Variants in RBFOX1 observed in about 807,000 individuals in gnomAD.
RBFOX1 encodes RNA binding fox-1 homolog 1.
In RBFOX1, 8 loss-of-function variants were observed where a neutral mutation model predicts 57.7. That is an observed-to-expected ratio of 0.14 (90% CI 0.08 to 0.25). The LOEUF is 0.25. Ranked by LOEUF, RBFOX1 falls within the 10% of genes least tolerant of loss-of-function variation. The pLI is 1.00. For missense variants in RBFOX1, 611 were observed against 548.5 expected, an observed-to-expected ratio of 1.11 and a Z score of -1.14; for synonymous variants, 326 against 222.4, an observed-to-expected ratio of 1.47 and a Z score of -4.15.
intron 1 of RBFOX1, among the ~76,000 whole-genome samples, chr16:6,109,649 T>G (rs2096421355): frequency 6.6e-6 from 1 of 152,192 alleles, no homozygotes; most frequent in African/African-American, 2.4e-5. Flanking sequence ...GATATTAGAA[T>G]TTTTATGCTT....
chr16:7,078,140 C>T (rs1353166228), intron 4 of RBFOX1, among the ~76,000 whole-genome samples: 1 of 152,176 alleles, frequency 6.6e-6, no homozygotes, highest in Non-Finnish European at 1.5e-5. Context: ...TTCATTCTTT[C>T]TCATCTTTAG....
At chr16:5,457,331 C>T (rs1443487316) in intron 1 of RBFOX1, among the ~76,000 whole-genome samples, 2 of 152,184 alleles carry the variant, frequency 1.3e-5, no homozygotes, top group Non-Finnish European at 2.9e-5. Context: ...GATGGGGTTT[C>T]ACCATGTTGG....
chr16:6,553,114 A>G (rs1021886660), intron 2 of RBFOX1, among the ~76,000 whole-genome samples: 2 of 152,170 alleles, frequency 1.3e-5, no homozygotes, highest in African/African-American at 4.8e-5. Context: ...TCCCTAGGTA[A>G]CAGGATGTGC....
At chr16:7,156,888 C>T (rs948984545) in intron 4 of RBFOX1, among the ~76,000 whole-genome samples, 6 of 152,110 alleles carry the variant, frequency 3.9e-5, no homozygotes, top group South Asian at 2.1e-4. Context: ...AATATTTGCC[C>T]TCCAAGAAAG....
intron 3 of RBFOX1, among the ~76,000 whole-genome samples, chr16:5,612,252 C>G (rs759305783): frequency 6.7e-6 from 1 of 148,224 alleles, no homozygotes; most frequent in Non-Finnish European, 1.5e-5. Flanking sequence ...CATCAGTTCT[C>G]CCATCCATCC....
At chr16:6,259,312 C>T (rs74005052) in intron 1 of RBFOX1, among the ~76,000 whole-genome samples, 3,155 of 152,054 alleles carry the variant, frequency 0.021, 86 homozygotes, top group African/African-American at 0.063. Context: ...TTTCAGTCTC[C>T]CTCCTCTCCT....
chr16:7,100,497 T>C (rs138907144), intron 4 of RBFOX1, among the ~76,000 whole-genome samples: 49 of 151,756 alleles, frequency 3.2e-4, no homozygotes, highest in Non-Finnish European at 5.7e-4. Flanking sequence ...CATATTTTCA[T>C]ACAAATTATC....
chr16:6,030,330 C>T (rs556938692), intron 1 of RBFOX1, among the ~76,000 whole-genome samples: 5 of 152,280 alleles, frequency 3.3e-5, no homozygotes, highest in African/African-American at 1.2e-4. Flanking sequence ...ATGTACCAGA[C>T]ACTTCTAAGT....
intron 3 of RBFOX1, among the ~76,000 whole-genome samples, chr16:6,988,424 G>A (rs976484164): frequency 5.9e-5 from 9 of 152,276 alleles, no homozygotes; most frequent in Admixed American, 4.6e-4. Flanking sequence ...CTTAGTATAT[G>A]AAAGTGTTTT....
At chr16:5,311,132 G>A (rs546647810) in intron 1 of RBFOX1, among the ~76,000 whole-genome samples, 1 of 152,152 alleles carries the variant, frequency 6.6e-6, no homozygotes, top group Admixed American at 6.5e-5. Context: ...TAGAATAATG[G>A]CCTCTAGCTC....
At chr16:6,565,881 A>G (rs906474773) in intron 2 of RBFOX1, among the ~76,000 whole-genome samples, 3 of 152,222 alleles carry the variant, frequency 2.0e-5, no homozygotes, top group Non-Finnish European at 4.4e-5. Flanking sequence ...GTAGTAACAC[A>G]TAACCCCCAA....
At chr16:7,326,366 C>G (rs2096611799) in intron 4 of RBFOX1, among the ~76,000 whole-genome samples, 1 of 152,108 alleles carries the variant, frequency 6.6e-6, no homozygotes, top group Admixed American at 6.6e-5. Context: ...TGGCATATGA[C>G]TGCTTGTGGA....
chr16:5,317,696 G>A (rs925089481), intron 1 of RBFOX1, among the ~76,000 whole-genome samples: 1 of 152,176 alleles, frequency 6.6e-6, no homozygotes, highest in African/African-American at 2.4e-5. Context: ...AATTACTCAA[G>A]AAATGTTTGT....
At chr16:6,693,202 C>A (rs1019076253) in intron 3 of RBFOX1, among the ~76,000 whole-genome samples, 33 of 151,782 alleles carry the variant, frequency 2.2e-4, no homozygotes, top group African/African-American at 6.8e-4. Context: ...GCTACCATCA[C>A]CACCATCATC....
intron 4 of RBFOX1, among the ~76,000 whole-genome samples, chr16:7,438,186 G>C (rs1449924767): frequency 6.6e-6 from 1 of 152,186 alleles, no homozygotes; most frequent in Non-Finnish European, 1.5e-5. Flanking sequence ...AATGGTTAAT[G>C]TTAATTTACT....
intron 4 of RBFOX1, among the ~76,000 whole-genome samples, chr16:7,210,028 C>T (rs1029929635): frequency 1.8e-4 from 28 of 152,120 alleles, no homozygotes; most frequent in Admixed American, 1.8e-3. Context: ...CAGTGAAAAC[C>T]AGGGATAGCG....
rs560311833 is a variant in RBFOX1, at chr16:5,816,425, T to C, written c.319-50878T>C. Among the ~76,000 whole-genome samples the C allele has an allele frequency of 6.8e-4, 103 of 152,282 alleles. 1 individual carries two copies. The highest frequency in any genetic ancestry group is 2.2e-3 in the African/African-American group (93 of 41,572). On this transcript the variant is annotated intron_variant, in intron 3 of 19. Coordinates refer to the RBFOX1 transcript ENST00000641259. ...CTCCTTGACCAAGGATGACACTGAC[T>C]GCCAAAACCATGCCAGCTGAACCCC... is the stretch of plus-strand genomic sequence containing the variant.
At chr16:5,733,819 G>A (rs77871583) in intron 3 of RBFOX1, among the ~76,000 whole-genome samples, 11 of 149,530 alleles carry the variant, frequency 7.4e-5, no homozygotes, top group Admixed American at 1.3e-4. Context: ...CTTCCCATCC[G>A]CGTCCATGCT....
intron 2 of RBFOX1, among the ~76,000 whole-genome samples, chr16:6,472,851 C>T (rs1280454016): frequency 6.6e-6 from 1 of 151,932 alleles, no homozygotes; most frequent in Non-Finnish European, 1.5e-5. Context: ...TCTCGAACTC[C>T]CAACCTTATT....
Sources: allele counts gnomAD v4.1 joint callset (sites outside exome capture counted in the v4.1 genomes callset), GRCh38; gene constraint gnomAD v4.1.1; transcripts MANE v1.5; gene names NCBI Gene and HGNC (gene_info 2026-07-23, HGNC 2026-07-21).